DLG2: variants seen among roughly 807,000 people sequenced by gnomAD.
DLG2 encodes disks large homolog 2.
Under a neutral mutation model 132.5 loss-of-function variants are expected in DLG2, and 45 were observed. The ratio of observed to expected loss-of-function variants is 0.34; its 90% CI spans 0.27 to 0.44. DLG2 has a LOEUF of 0.44. Among genes scored for constraint, DLG2 ranks in the 20% least tolerant of loss-of-function variants. DLG2 has a pLI of 1.00. For synonymous variants in DLG2, 424 were observed against 419.6 expected (o/e 1.01, Z -0.13); for missense variants, 1,045 against 1,196.9 (o/e 0.87, Z 1.87).
intron 3 of DLG2, among the ~76,000 whole-genome samples, chr11:85,290,772 T>C (rs2152769912): frequency 6.6e-6 from 1 of 152,192 alleles, no homozygotes; most frequent in East Asian, 1.9e-4. Flanking sequence ...AGAGAGCCCC[T>C]ATTCAGTCCA....
chr11:85,137,398 G>A lies in DLG2; in HGVS notation c.282+17158C>T, dbSNP rs539445058. On this transcript the variant is annotated intron_variant, in intron 5 of 27. Coordinates refer to ENST00000376104, the MANE Select transcript of DLG2 (RefSeq NM_001142699.3). ...GTTGCTTGAGGTTCTATGACCTGCCGTGACACAAAACCTAGGTGACCCCAA... is the reference window on the plus strand; with the variant it reads ...GTTGCTTGAGGTTCTATGACCTGCCATGACACAAAACCTAGGTGACCCCAA... Among the ~76,000 whole-genome samples the A allele has an allele frequency of 3.9e-5, 6 of 152,140 alleles. No homozygotes were observed. The East Asian group carries it at 5.8e-4, about 15-fold the overall frequency.
intron 3 of DLG2, among the ~76,000 whole-genome samples, chr11:85,338,894 C>G (rs952417204): frequency 6.6e-6 from 1 of 151,818 alleles, no homozygotes; most frequent in Non-Finnish European, 1.5e-5. Flanking sequence ...TTAGTAGAGA[C>G]GGGGTTTCAC....
intron 18 of DLG2, among the ~76,000 whole-genome samples, chr11:83,741,503 A>G (rs1366065790): frequency 6.6e-6 from 1 of 152,166 alleles, no homozygotes; most frequent in African/African-American, 2.4e-5. Context: ...ATTTCTATAT[A>G]CCAACAACAT....
intron 11 of DLG2, among the ~76,000 whole-genome samples, chr11:84,033,663 C>T (rs552383263): frequency 6.6e-5 from 10 of 152,158 alleles, no homozygotes; most frequent in Admixed American, 1.3e-4. Context: ...CGCTACCAAA[C>T]GGTACCACAT....
intron 9 of DLG2, among the ~76,000 whole-genome samples, chr11:84,127,412 A>G (rs1455974022): frequency 1.3e-5 from 2 of 152,194 alleles, no homozygotes; most frequent in Non-Finnish European, 2.9e-5. Context: ...AGTGCTCTAA[A>G]TAATAATTTT....
chr11:83,849,066 T>A (rs1044129508), intron 16 of DLG2, among the ~76,000 whole-genome samples: 2 of 152,200 alleles, frequency 1.3e-5, no homozygotes, highest in African/African-American at 2.4e-5. Context: ...GACTTATTCC[T>A]CTGCAGTAGT....
At chr11:85,084,450 G>A (rs1034181800) in intron 6 of DLG2, among the ~76,000 whole-genome samples, 2 of 152,166 alleles carry the variant, frequency 1.3e-5, no homozygotes, top group Admixed American at 1.3e-4. Flanking sequence ...GAGCAAGAGT[G>A]TAGTTTTGAG....
chr11:84,152,448 G>T (rs537543357), intron 9 of DLG2, among the ~76,000 whole-genome samples: 2 of 149,986 alleles, frequency 1.3e-5, no homozygotes, highest in African/African-American at 4.9e-5. Flanking sequence ...GTGCAGTGGC[G>T]CAATCTCGGC....
intron 6 of DLG2, among the ~76,000 whole-genome samples, chr11:84,824,719 G>A (rs1470634740): frequency 6.6e-6 from 1 of 151,810 alleles, no homozygotes; most frequent in East Asian, 2.0e-4. Context: ...TGATGCCACT[G>A]GCCATGTTGT....
intron 19 of DLG2, among the ~76,000 whole-genome samples, chr11:83,589,098 T>G (rs1157230086): frequency 6.8e-6 from 1 of 148,068 alleles, no homozygotes; most frequent in Non-Finnish European, 1.5e-5. Flanking sequence ...TTCCCCAATC[T>G]AGCAAGGCAG....
chr11:85,001,285 A>G (rs2058186221), intron 6 of DLG2, among the ~76,000 whole-genome samples: 2 of 152,054 alleles, frequency 1.3e-5, no homozygotes, highest in Admixed American at 1.3e-4. Flanking sequence ...TGTTGTAGAG[A>G]CAGGGTCTCA....
chr11:83,716,720 T>TC (rs2086793723), intron 18 of DLG2, among the ~76,000 whole-genome samples: 1 of 152,228 alleles, frequency 6.6e-6, no homozygotes, highest in African/African-American at 2.4e-5. Flanking sequence ...GATTTTTTTT[T>TC]CTCGATTCTA....
intron 6 of DLG2, among the ~76,000 whole-genome samples, chr11:84,586,823 G>A (rs1208134189): frequency 6.6e-6 from 1 of 152,002 alleles, no homozygotes; most frequent in Admixed American, 6.6e-5. Flanking sequence ...TTAATAAAAT[G>A]TAAAGTTTAT....
At chr11:85,132,808 T>C (rs977469117) in intron 5 of DLG2, 2 of 456,612 alleles carry the variant, frequency 4.4e-6, no homozygotes, top group Admixed American at 2.3e-5. Flanking sequence ...CCTGGATCCC[T>C]ACACAGGACT....
At chr11:84,753,834 C>A (rs2066500873) in intron 6 of DLG2, among the ~76,000 whole-genome samples, 2 of 152,078 alleles carry the variant, frequency 1.3e-5, no homozygotes, top group African/African-American at 4.8e-5. Context: ...AAAGAGTGGC[C>A]AGCAATATAG....
intron 7 of DLG2, among the ~76,000 whole-genome samples, chr11:84,360,512 G>A (rs2098643462): frequency 2.6e-5 from 4 of 151,920 alleles, no homozygotes; most frequent in Admixed American, 2.6e-4. Flanking sequence ...ATCCATGAGA[G>A]AAAGGAAATA....
intron 3 of DLG2, among the ~76,000 whole-genome samples, chr11:85,328,670 A>C (rs1257976974): frequency 2.0e-5 from 3 of 150,458 alleles, no homozygotes; most frequent in Non-Finnish European, 4.4e-5. Context: ...CCAATATCAT[A>C]CTGAATGGGC....
chr11:84,075,460 G>A (rs998614571), intron 10 of DLG2, among the ~76,000 whole-genome samples: 4 of 152,156 alleles, frequency 2.6e-5, no homozygotes, highest in Admixed American at 6.5e-5. Context: ...ATGAAGGAAT[G>A]AGTGAATGAA....
rs192201433 is a variant in DLG2, at chr11:83,725,971, T to C, written c.1825+60719A>G. On this transcript the variant is annotated intron_variant, in intron 18 of 27. Coordinates refer to ENST00000376104, the MANE Select transcript of DLG2 (RefSeq NM_001142699.3). ...ACCATGGTAACCACCCACTCATTTT[T>C]CCCTGTTATTTCACTTTATAACACT... Among the ~76,000 whole-genome samples the C allele has an allele frequency of 6.0e-4, 91 of 152,300 alleles. No homozygotes were observed. The East Asian group carries it at 0.014, about 23-fold the overall frequency.
Sources: gnomAD v4.1 joint callset for allele counts (sites outside exome capture counted in the v4.1 genomes callset) on GRCh38, gnomAD v4.1.1 for gene constraint, MANE v1.5 for transcripts, NCBI Gene and HGNC (gene_info 2026-07-23, HGNC 2026-07-21) for gene names.